The following HNRNPF variants were observed in gnomAD, a reference collection of about 807,000 sequenced individuals.
The protein encoded by HNRNPF is HnRNP F protein.
HNRNPF carries 2 observed loss-of-function variants against 26.0 expected under a neutral mutation model. The ratio of observed to expected loss-of-function variants is 0.08; its 90% CI spans 0.03 to 0.24. The LOEUF (loss-of-function observed/expected upper bound fraction) is 0.24. Among genes scored for constraint, HNRNPF ranks in the 10% least tolerant of loss-of-function variants. The pLI, the probability that HNRNPF is intolerant of heterozygous loss-of-function variation, is 1.00. For missense variants in HNRNPF, 299 were observed against 539.2 expected (o/e 0.55, Z 4.41); for synonymous variants, 234 against 211.5 (o/e 1.11, Z -0.92).
chr10:43,386,472 A>G lies in HNRNPF; in HGVS notation c.*165T>C, dbSNP rs1458348125. Reference sequence around the variant, plus strand: ...TTTACTCATTATCACATGCTAGAAGAAAATTTTGCATGAGAAAACACTGAA... The same window carrying G: ...TTTACTCATTATCACATGCTAGAAGGAAATTTTGCATGAGAAAACACTGAA... On this transcript the variant is annotated 3_prime_UTR_variant, in exon 4 of 4. Coordinates refer to ENST00000682386, the MANE Select transcript of HNRNPF (RefSeq NM_001098204.2). 1.9e-5 allele frequency: 12 copies of G among 637,926 alleles called. No homozygotes were observed. The East Asian group carries it at 3.0e-4, about 16-fold the overall frequency. 39.5% of individuals were successfully genotyped at this position (637,926 alleles called of 1,614,324 possible).
intron 2 of HNRNPF, 114 bp downstream of exon 2, chr10:43,396,342 T>C (rs978545750): frequency 6.6e-6 from 1 of 151,290 alleles, no homozygotes; most frequent in African/African-American, 2.4e-5. Context: ...GGCAGCACTC[T>C]CGCCAGGAGG....
At chr10:43,398,664 T>C (rs564370432) in intron 1 of HNRNPF, among the ~76,000 whole-genome samples, 2 of 151,840 alleles carry the variant, frequency 1.3e-5, no homozygotes, top group Non-Finnish European at 1.5e-5. Context: ...AACAGAATTA[T>C]TATTATTTTG....
At chr10:43,407,483 T>C (rs1298745645) in intron 1 of HNRNPF, among the ~76,000 whole-genome samples, 2 of 151,532 alleles carry the variant, frequency 1.3e-5, no homozygotes, top group Non-Finnish European at 2.9e-5. Flanking sequence ...GGGGCGGCCT[T>C]GGGGGGAGGG....
Position 43,387,906 on chromosome 10 carries a change from T to A in HNRNPF, c.-22A>T, listed in dbSNP as rs1397401079. 1 of 1,569,184 alleles carries A rather than the reference T, an allele frequency of 6.4e-7. No homozygotes were observed. Among genetic ancestry groups the A allele is most frequent in the African/African-American group, 1.4e-5 (1 of 73,418 alleles). ...TCATGGACACTTGTCAGGGTGGGTG[T>A]CAGGTGATCTTGGGTGTGGCTTTTT... On this transcript the variant is annotated 5_prime_UTR_variant, in exon 4 of 4. Coordinates refer to ENST00000682386, the MANE Select transcript of HNRNPF (RefSeq NM_001098204.2). This position sits in a 1 kb window ranked among gnomAD's most constrained non-coding sequence, Gnocchi z 6.0.
intron 3 of HNRNPF, among the ~76,000 whole-genome samples, chr10:43,394,347 C>G (rs1838373731): frequency 6.6e-6 from 1 of 152,192 alleles, no homozygotes; most frequent in African/African-American, 2.4e-5. Flanking sequence ...AAAATTACTT[C>G]CTCTCTGAAG....
chr10:43,405,519 G>T (rs965558264), intron 1 of HNRNPF, among the ~76,000 whole-genome samples: 1 of 152,134 alleles, frequency 6.6e-6, no homozygotes, highest in Non-Finnish European at 1.5e-5. Flanking sequence ...AGCCGGGCAT[G>T]GTGGCGGCCG....
At chr10:43,390,044 C>T (rs557724410) in intron 3 of HNRNPF, among the ~76,000 whole-genome samples, 7 of 152,288 alleles carry the variant, frequency 4.6e-5, no homozygotes, top group East Asian at 3.9e-4. Context: ...TAATGGTCTC[C>T]GCCTCCCCAG....
In HNRNPF at chr10:43,387,862, C is replaced by A. The variant is rs1430734435; in HGVS notation, c.23G>T (p.Gly8Val). Residue 8 changes from glycine (G) to valine (V), a missense_variant, in exon 4 of 4, where the codon GGT becomes GTT. Transcript: ENST00000682386. The surrounding 1 kb of genome is among the most constrained non-coding windows in gnomAD (Gnocchi z 6.0). MMLGPEGGEGFVVKLRGL... is the reference protein window; with the variant it reads MMLGPEGVEGFVVKLRGL... ...ACGGAGCTTGACCACAAAGCCTTCA[C>A]CTCCCTCAGGGCCCAGCATCATGGA... 2 of 1,611,258 alleles carry A rather than the reference C, an allele frequency of 1.2e-6. No individual in the cohort carries two copies. Among genetic ancestry groups the A allele is most frequent in the Non-Finnish European group, 1.7e-6 (2 of 1,177,746 alleles).
intron 1 of HNRNPF, chr10:43,397,166 C>A (rs1838575900): frequency 1.3e-5 from 2 of 151,470 alleles, no homozygotes. Flanking sequence ...GGGGCCGGGG[C>A]GCCCGCGCGG....
At position 43,385,622 on chromosome 10, in the gene HNRNPF, T is replaced by C. The variant is rs1189250978; in HGVS notation, c.*1015A>G. 1 of 151,942 alleles carries C rather than the reference T, an allele frequency of 6.6e-6. No homozygotes were observed. Among genetic ancestry groups the C allele is most frequent in the Admixed American group, 6.6e-5 (1 of 15,234 alleles). The allele number at this position is 151,942 out of a possible 1,614,324, so 9.4% of individuals were successfully genotyped here. On this transcript the variant is annotated 3_prime_UTR_variant, in exon 4 of 4. Coordinates refer to ENST00000682386, the MANE Select transcript of HNRNPF (RefSeq NM_001098204.2). ...TCAGGAGCGTGACCAAAAAAAAAAGTTTAAATCAGCATTTTATAAAAACTA... is the reference window on the plus strand; with the variant it reads ...TCAGGAGCGTGACCAAAAAAAAAAGCTTAAATCAGCATTTTATAAAAACTA...
chr10:43,395,578 A>G (rs1021544028), intron 2 of HNRNPF, among the ~76,000 whole-genome samples: 1 of 152,202 alleles, frequency 6.6e-6, no homozygotes. Context: ...ATTACTTAAG[A>G]CACTATTGGG....
chr10:43,391,292 CAAA>C (rs56118525), intron 3 of HNRNPF, among the ~76,000 whole-genome samples: 5 of 107,560 alleles, frequency 4.6e-5, no homozygotes, highest in Admixed American at 9.1e-5. Flanking sequence ...GACTCTGTCT[CAAA>C]AAAAAAAAAA....
In HNRNPF at chr10:43,385,711, T is replaced by C. The variant is rs750602030; in HGVS notation, c.*926A>G. ...CTAAAGTTCTCCAGCTATCAACAGA[T>C]GTGACTCCAGCATCAAGGGCCTAGC... On this transcript the variant is annotated 3_prime_UTR_variant, in exon 4 of 4. Transcript: ENST00000682386. 1.3e-5 allele frequency: 2 copies of C among 152,252 alleles called. No individual in the cohort carries two copies. The highest frequency in any genetic ancestry group is 2.9e-5 in the Non-Finnish European group (2 of 68,046). 9.4% of individuals were successfully genotyped at this position (152,252 alleles called of 1,614,324 possible). A position where few individuals can be genotyped will look rare whatever the true frequency, so the allele number is the denominator to read the frequency against.
intron 3 of HNRNPF, among the ~76,000 whole-genome samples, chr10:43,389,730 C>T (rs921508333): frequency 1.3e-5 from 2 of 152,166 alleles, no homozygotes; most frequent in Admixed American, 6.5e-5. Context: ...ACCAAACACT[C>T]GGCATTTACT....
In HNRNPF at chr10:43,386,362, ATACTTAAAC is replaced by A. The variant is rs1033078304; in HGVS notation, c.*266_*274del. The A allele has an allele frequency of 3.3e-5, 11 of 333,552 alleles. No homozygotes were observed. The highest frequency in any genetic ancestry group is 1.8e-4 in the Admixed American group (4 of 22,456). The allele number at this position is 333,552 out of a possible 1,614,324, so 20.7% of individuals were successfully genotyped here. ...GTGGTGTAAAAGATCCACATTTAAC[ATACTTAAAC>A]TACTTAAACTTAGATAACATCACTC... On this transcript the variant is annotated 3_prime_UTR_variant, in exon 4 of 4. Transcript: ENST00000682386.
At chr10:43,402,853 TA>T in intron 1 of HNRNPF, among the ~76,000 whole-genome samples, 1 of 151,974 alleles carries the variant, frequency 6.6e-6, no homozygotes, top group South Asian at 2.1e-4. Flanking sequence ...ATAAATCTAA[TA>T]GGAGTCTTAA....
At chr10:43,406,851 A>G (rs1838934693) in intron 1 of HNRNPF, among the ~76,000 whole-genome samples, 1 of 152,082 alleles carries the variant, frequency 6.6e-6, no homozygotes, top group Admixed American at 6.5e-5. Context: ...GGAATGTAAT[A>G]CCTACAAGGG....
At chr10:43,390,499 T>G (rs1460175001) in intron 3 of HNRNPF, among the ~76,000 whole-genome samples, 2 of 152,170 alleles carry the variant, frequency 1.3e-5, no homozygotes, top group Non-Finnish European at 2.9e-5. Flanking sequence ...AAACCCCACC[T>G]AATCACATCC....
At chr10:43,408,265 C>A (rs530937959) in intron 1 of HNRNPF, among the ~76,000 whole-genome samples, 15 of 152,266 alleles carry the variant, frequency 9.9e-5, no homozygotes, top group African/African-American at 3.4e-4. Context: ...CGCACCCGGC[C>A]GTCCGTGCCT....
Sources: allele counts gnomAD v4.1 joint callset (sites outside exome capture counted in the v4.1 genomes callset), GRCh38; gene constraint gnomAD v4.1.1; non-coding constraint Gnocchi (gnomAD v3.1); transcripts MANE v1.5; gene names NCBI Gene and HGNC (gene_info 2026-07-23, HGNC 2026-07-21).